The following MYO18B variants were observed in gnomAD, a reference collection of about 807,000 sequenced individuals.
MYO18B encodes the protein unconventional myosin-XVIIIb.
A neutral mutation model predicts 273.0 loss-of-function variants in MYO18B; 204 were observed. That is an observed-to-expected ratio of 0.75 (90% CI 0.67 to 0.84). The LOEUF (loss-of-function observed/expected upper bound fraction) is 0.84, where lower values mean the gene tolerates loss of function less well. MYO18B is among the 40% of genes least tolerant of loss of function. The probability of loss-of-function intolerance (pLI) is 0.00; values close to 1 mark genes in which losing one functional copy is unlikely to be tolerated. For synonymous variants in MYO18B, 1,330 were observed against 1,305.7 expected (o/e 1.02, Z -0.40); for missense variants, 3,212 against 3,287.6 (o/e 0.98, Z 0.56).
At chr22:25,806,895 C>T (rs989693614) in intron 12 of MYO18B, among the ~76,000 whole-genome samples, 1 of 152,218 alleles carries the variant, frequency 6.6e-6, no homozygotes, top group African/African-American at 2.4e-5. Flanking sequence ...GACTTTTCAT[C>T]TCGTTGGACC....
chr22:25,752,665 A>C (rs2085968379), intron 1 of MYO18B, among the ~76,000 whole-genome samples: 1 of 135,742 alleles, frequency 7.4e-6, no homozygotes, highest in Admixed American at 7.1e-5. Flanking sequence ...TAATTAAAAA[A>C]AAATTTTTTT....
intron 39 of MYO18B, among the ~76,000 whole-genome samples, chr22:25,972,670 T>C (rs148699409): frequency 0.012 from 1,772 of 152,194 alleles, 18 homozygotes; most frequent in Middle Eastern, 0.017. Flanking sequence ...AGAGACGAGA[T>C]CTCGGCTGGG....
chr22:25,956,211 C>A (rs1177047288), intron 39 of MYO18B, among the ~76,000 whole-genome samples: 1 of 146,028 alleles, frequency 6.8e-6, no homozygotes, highest in African/African-American at 2.6e-5. Context: ...GACCGAGGAA[C>A]CTTTTTTTTT....
At chr22:25,945,027 A>G (rs375491973) in intron 34 of MYO18B, among the ~76,000 whole-genome samples, 1 of 152,170 alleles carries the variant, frequency 6.6e-6, no homozygotes, top group South Asian at 2.1e-4. Flanking sequence ...TAGGAGGCCT[A>G]CTGTGTGCAG....
intron 12 of MYO18B, among the ~76,000 whole-genome samples, chr22:25,799,883 A>G (rs1436996972): frequency 3.3e-5 from 5 of 152,216 alleles, no homozygotes; most frequent in African/African-American, 1.2e-4. Context: ...TTTTCCAAAA[A>G]TCATCCATGG....
At chr22:25,834,015 A>G (rs1484941703) in intron 16 of MYO18B, among the ~76,000 whole-genome samples, 2 of 151,378 alleles carry the variant, frequency 1.3e-5, no homozygotes, top group Admixed American at 1.3e-4. Flanking sequence ...ATTTCCTTCC[A>G]CACTGTGCTT....
At chr22:26,054,033 C>T in the MYO18B span, among the ~76,000 whole-genome samples, 2 of 152,024 alleles carry the variant, frequency 1.3e-5, no homozygotes, top group Non-Finnish European at 2.9e-5. Context: ...CTCGGGCCAA[C>T]AGGAAGGGCT....
At chr22:25,950,260 A>T in intron 36 of MYO18B, 107 bp from the exon 37 acceptor site, 3 of 847,642 alleles carry the variant, frequency 3.5e-6, no homozygotes, top group Non-Finnish European at 5.5e-6. Context: ...GCTCTGAGAG[A>T]TGTAGACATC....
At position 25,997,932 on chromosome 22, in the gene MYO18B, A is replaced by AACACACACACAC. The variant is rs3070628; in HGVS notation, c.6288-5319_6288-5308dup. On this transcript the variant is annotated intron_variant, in intron 40 of 43. Transcript: ENST00000335473. ...AAATTCAAAGCCAACCCAGGAGAGA[A>AACACACACACAC]ACACACACACACACACACACACACA... Among the ~76,000 whole-genome samples the AACACACACACAC allele has an allele frequency of 4.6e-3, 664 of 144,700 alleles. 2 individuals carry two copies. The highest frequency in any genetic ancestry group is 0.017 in the Middle Eastern group (5 of 288). 94.9% of individuals were successfully genotyped at this position (144,700 alleles called of 152,430 possible). A position where few individuals can be genotyped will look rare whatever the true frequency, so the allele number is the denominator to read the frequency against.
chr22:25,788,745 C>T (rs1046272652), intron 11 of MYO18B, among the ~76,000 whole-genome samples: 4 of 152,130 alleles, frequency 2.6e-5, no homozygotes, highest in East Asian at 1.9e-4. Flanking sequence ...AGCCAGCCCC[C>T]GTACTATGAT....
At chr22:25,977,482 G>A (rs1174534634) in intron 39 of MYO18B, among the ~76,000 whole-genome samples, 1 of 152,244 alleles carries the variant, frequency 6.6e-6, no homozygotes, top group East Asian at 1.9e-4. Flanking sequence ...CTCATTCTTG[G>A]GCATGGTGAA....
At chr22:25,967,374 C>A (rs962797833) in intron 39 of MYO18B, among the ~76,000 whole-genome samples, 1 of 152,162 alleles carries the variant, frequency 6.6e-6, no homozygotes, top group Non-Finnish European at 1.5e-5. Context: ...ATCATTGTTA[C>A]GATTTGACAT....
chr22:26,023,998 C>T (rs1936047948), intron 42 of MYO18B, among the ~76,000 whole-genome samples: 1 of 152,186 alleles, frequency 6.6e-6, no homozygotes, highest in African/African-American at 2.4e-5. Context: ...AAGGAGGGAG[C>T]TGCTCTGGGC....
At chr22:25,762,973 A>C in intron 2 of MYO18B, 2 of 649,704 alleles carry the variant, frequency 3.1e-6, no homozygotes, top group South Asian at 2.8e-5. Flanking sequence ...TTCATATCAC[A>C]AGGAGAGTGG....
the MYO18B span, among the ~76,000 whole-genome samples, chr22:26,047,090 C>T: frequency 1.9e-4 from 29 of 150,738 alleles, no homozygotes; most frequent in Non-Finnish European, 4.1e-4. Flanking sequence ...GGAAACTATG[C>T]GGTATCACTT....
chr22:25,857,456 A>G (rs900657306), intron 21 of MYO18B, among the ~76,000 whole-genome samples: 1 of 148,858 alleles, frequency 6.7e-6, no homozygotes, highest in Non-Finnish European at 1.5e-5. Context: ...CCTGGCAGAC[A>G]CTCCCAGTTT....
chr22:25,928,959 C>G lies in MYO18B; in HGVS notation c.5517+7550C>G, dbSNP rs1218198248. Among the ~76,000 whole-genome samples, 3 of 151,994 alleles carry G rather than the reference C, an allele frequency of 2.0e-5. No homozygotes were observed. In the South Asian group the frequency reaches 6.2e-4, roughly 32 times the overall value. ...GGCGGGTCACCTGAGGTCAGGAGTTCAAGACCAGCCTGACCAAAATGGAGA... is the reference window on the plus strand; with the variant it reads ...GGCGGGTCACCTGAGGTCAGGAGTTGAAGACCAGCCTGACCAAAATGGAGA... On this transcript the variant is annotated intron_variant, in intron 34 of 43. Coordinates refer to ENST00000335473, the MANE Select transcript of MYO18B (RefSeq NM_032608.7).
chr22:25,921,027 A>G (rs2092332407), intron 33 of MYO18B, among the ~76,000 whole-genome samples: 1 of 152,220 alleles, frequency 6.6e-6, no homozygotes, highest in Non-Finnish European at 1.5e-5. Flanking sequence ...ATTCTGTGTC[A>G]AGCATTAGGC....
Position 25,768,498 on chromosome 22 carries a change from G to T in MYO18B, c.582G>T (p.Glu194Asp), listed in dbSNP as rs773869369. ...ATACTGGAAAGGAAAAGAAAGGGGAGACCTCTAGGACTCCTTGTGGCTCCC... is the reference window on the plus strand; with the variant it reads ...ATACTGGAAAGGAAAAGAAAGGGGATACCTCTAGGACTCCTTGTGGCTCCC... ...ATDTGKEKKG[E>D]TSRTPCGSQA... is the part of the protein sequence containing the mutation. The change falls in exon 4 of 44, where the codon GAG (glutamate) becomes GAT (aspartate). Residue 194 changes from glutamate to aspartate, a missense_variant. Transcript: ENST00000335473. 9.4e-6 allele frequency: 15 copies of T among 1,595,794 alleles called. No individual in the cohort carries two copies. Among genetic ancestry groups the T allele is most frequent in the East Asian group, 2.2e-5 (1 of 44,654 alleles).
Sources: allele counts gnomAD v4.1 joint callset (sites outside exome capture counted in the v4.1 genomes callset), GRCh38; gene constraint gnomAD v4.1.1; transcripts MANE v1.5; gene names NCBI Gene and HGNC (gene_info 2026-07-23, HGNC 2026-07-21).